The following KCNK10 variants were observed in gnomAD, a reference collection of about 807,000 sequenced individuals.
KCNK10 encodes potassium channel subfamily K member 10.
Under a neutral mutation model 47.7 loss-of-function variants are expected in KCNK10, and 25 were observed. The observed-to-expected ratio is 0.52, with a 90% CI of 0.38 to 0.73. KCNK10 has a LOEUF of 0.73. Ranked by LOEUF, KCNK10 falls within the 30% of genes least tolerant of loss-of-function variation. KCNK10 has a pLI of 0.00. For synonymous variants in KCNK10, 303 were observed against 285.6 expected (o/e 1.06, Z -0.61); for missense variants, 563 against 714.5 (o/e 0.79, Z 2.42).
chr14:88,277,599 T>TCC (rs397746800), intron 1 of KCNK10, among the ~76,000 whole-genome samples: 4 of 151,588 alleles, frequency 2.6e-5, no homozygotes, highest in Admixed American at 6.6e-5. Context: ...TATTCATAAC[T>TCC]GATTAGTGAA....
chr14:88,316,145 C>T (rs1456632625), intron 1 of KCNK10, among the ~76,000 whole-genome samples: 1 of 152,064 alleles, frequency 6.6e-6, no homozygotes, highest in African/African-American at 2.4e-5. Flanking sequence ...CCCACCCCTC[C>T]CCATCTCCCT....
intron 2 of KCNK10, among the ~76,000 whole-genome samples, chr14:88,255,859 T>A (rs922894876): frequency 6.6e-6 from 1 of 151,550 alleles, no homozygotes; most frequent in African/African-American, 2.4e-5. Flanking sequence ...GACCCTGTTT[T>A]AAAAAAAAGG....
intron 1 of KCNK10, among the ~76,000 whole-genome samples, chr14:88,287,146 C>A (rs1297753880): frequency 6.6e-6 from 1 of 152,158 alleles, no homozygotes; most frequent in African/African-American, 2.4e-5. Context: ...TGAACCTTAG[C>A]AATCTGCCTC....
At chr14:88,254,927 G>A (rs112481988) in intron 2 of KCNK10, among the ~76,000 whole-genome samples, 2,421 of 152,266 alleles carry the variant, frequency 0.016, 59 homozygotes, top group African/African-American at 0.056. Context: ...CCAGTGACAT[G>A]CCAGGCACTC....
At chr14:88,324,968 T>C (rs1158174003), upstream of KCNK10, among the ~76,000 whole-genome samples, 1 of 152,186 alleles carries the variant, frequency 6.6e-6, no homozygotes, top group African/African-American at 2.4e-5. Context: ...CAGGCAAAAC[T>C]GGTACCAATC....
intron 2 of KCNK10, among the ~76,000 whole-genome samples, chr14:88,250,183 A>T (rs1473689932): frequency 6.6e-6 from 1 of 152,076 alleles, no homozygotes; most frequent in African/African-American, 2.4e-5. Flanking sequence ...AATTTCCATT[A>T]CCTCTTTAAT....
rs181086584 is a variant in KCNK10, at chr14:88,291,546, T to C, written c.53-27995A>G. On this transcript the variant is annotated intron_variant, in intron 1 of 6. Coordinates refer to ENST00000319231, the MANE Select transcript of KCNK10 (RefSeq NM_138317.3). ...AGAACTGCTCAGAGATCAGAGGGGT[T>C]GGCAGAAGGGGGTCTCAGCATCTGG... Among the ~76,000 whole-genome samples, 42 of 152,308 alleles carry C rather than the reference T, an allele frequency of 2.8e-4. No individual in the cohort carries two copies. The East Asian group carries it at 7.5e-3, about 27-fold the overall frequency.
At chr14:88,289,506 G>A (rs1566715700) in intron 1 of KCNK10, among the ~76,000 whole-genome samples, 1 of 152,248 alleles carries the variant, frequency 6.6e-6, no homozygotes, top group Non-Finnish European at 1.5e-5. Flanking sequence ...GCAGGAATGG[G>A]AGCAATGTTG....
At chr14:88,234,982 A>C in intron 3 of KCNK10, 2 of 391,398 alleles carry the variant, frequency 5.1e-6, no homozygotes. Context: ...TCCAAGTATA[A>C]AGGGGAGGGT....
At chr14:88,199,065 GCGCACCGCCA>G (rs1885016156) in intron 4 of KCNK10, among the ~76,000 whole-genome samples, 1 of 151,926 alleles carries the variant, frequency 6.6e-6, no homozygotes, top group Admixed American at 6.6e-5. Flanking sequence ...GATTACAGGA[GCGCACCGCCA>G]CGCCCAGCTA....
chr14:88,263,094 C>A, intron 2 of KCNK10, 108 bp downstream of exon 2: 1 of 872,484 alleles, frequency 1.1e-6, no homozygotes. Flanking sequence ...ACTTCCCTGA[C>A]CACCAAGAGC....
intron 4 of KCNK10, among the ~76,000 whole-genome samples, chr14:88,203,487 A>G (rs1885168560): frequency 6.6e-6 from 1 of 152,234 alleles, no homozygotes; most frequent in African/African-American, 2.4e-5. Context: ...GACACCCTGG[A>G]ACAGGCCTGG....
At position 88,322,838 on chromosome 14, in the gene KCNK10, AAAT is replaced by A. The variant is rs753895771; in HGVS notation, c.-43_-41del. On this transcript the variant is annotated 5_prime_UTR_variant, in exon 1 of 7. Transcript: ENST00000319231. This position sits in a 1 kb window ranked among gnomAD's most constrained non-coding sequence, Gnocchi z 4.8. ...GAAGGGGAAGAAATGAAAAGAACCC[AAAT>A]AATAATAAAGTCCTCAAGCTTTACA... 6.2e-7 allele frequency: 1 copy of A among 1,613,948 alleles called. No homozygotes were observed. Among genetic ancestry groups the A allele is most frequent in the African/African-American group, 1.3e-5 (1 of 74,924 alleles).
chr14:88,264,178 G>A (rs1887193921), intron 1 of KCNK10, among the ~76,000 whole-genome samples: 1 of 152,096 alleles, frequency 6.6e-6, no homozygotes, highest in Admixed American at 6.5e-5. Flanking sequence ...GACGTCATTG[G>A]AAAAAAACTG....
intron 2 of KCNK10, among the ~76,000 whole-genome samples, chr14:88,246,792 T>C (rs1431990785): frequency 6.6e-6 from 1 of 152,248 alleles, no homozygotes; most frequent in Non-Finnish European, 1.5e-5. Context: ...GTTCAGCTTC[T>C]CTGAACCTTG....
upstream of KCNK10, among the ~76,000 whole-genome samples, chr14:88,325,987 G>A (rs531784861): frequency 6.6e-6 from 1 of 152,104 alleles, no homozygotes; most frequent in South Asian, 2.1e-4. Flanking sequence ...ATTAGGGCAG[G>A]GAGCAGGATC....
chr14:88,216,000 T>C (rs867074567), intron 4 of KCNK10, among the ~76,000 whole-genome samples: 1 of 152,110 alleles, frequency 6.6e-6, no homozygotes, highest in Non-Finnish European at 1.5e-5. Flanking sequence ...AGAAGAACCA[T>C]ACATTAGATA....
At chr14:88,280,086 A>T (rs1256253673) in intron 1 of KCNK10, among the ~76,000 whole-genome samples, 2 of 152,116 alleles carry the variant, frequency 1.3e-5, no homozygotes, top group African/African-American at 4.8e-5. Context: ...ATGGACTAAT[A>T]CACTGGGTGA....
Position 88,182,575 on chromosome 14 carries a change from A to G in KCNK10, c.*2960T>C, listed in dbSNP as rs1884407722. 1.3e-5 allele frequency: 2 copies of G among 152,292 alleles called. No individual in the cohort carries two copies. Among genetic ancestry groups the G allele is most frequent in the South Asian group, 4.1e-4 (2 of 4,822 alleles). The allele number at this position is 152,292 out of a possible 1,614,324, so 9.4% of individuals were successfully genotyped here. Reference sequence around the variant, plus strand: ...TCTAAACACTTTGCACACATATTTAATCGATCAATCACCATAGAGGATCTT... The same window carrying G: ...TCTAAACACTTTGCACACATATTTAGTCGATCAATCACCATAGAGGATCTT... On this transcript the variant is annotated 3_prime_UTR_variant, in exon 7 of 7. Coordinates refer to ENST00000319231, the MANE Select transcript of KCNK10 (RefSeq NM_138317.3).
Sources: gnomAD v4.1 joint callset for allele counts (sites outside exome capture counted in the v4.1 genomes callset) on GRCh38, gnomAD v4.1.1 for gene constraint, Gnocchi (gnomAD v3.1) non-coding constraint, MANE v1.5 for transcripts, NCBI Gene and HGNC (gene_info 2026-07-23, HGNC 2026-07-21) for gene names.